DYNC2I1: variants seen among roughly 807,000 people sequenced by gnomAD.
The protein encoded by DYNC2I1 is dynein 2 intermediate chain 1.
Under a neutral mutation model 133.4 loss-of-function variants are expected in DYNC2I1, and 89 were observed. The observed-to-expected ratio is 0.67, with a 90% CI of 0.56 to 0.80. The LOEUF (loss-of-function observed/expected upper bound fraction) is 0.80, where lower values mean the gene tolerates loss of function less well. Ranked by LOEUF, DYNC2I1 falls within the 30% of genes least tolerant of loss-of-function variation. The pLI is 0.00. For missense variants in DYNC2I1, 1,291 were observed against 1,314.5 expected, an observed-to-expected ratio of 0.98 and a Z score of 0.28; for synonymous variants, 504 against 484.3, an observed-to-expected ratio of 1.04 and a Z score of -0.54.
chr7:158,856,499 G>A, upstream of DYNC2I1: 1 of 395,710 alleles, frequency 2.5e-6, no homozygotes, highest in Non-Finnish European at 4.4e-6. Flanking sequence ...GCGACCACTC[G>A]GCCTTCCCCT....
At chr7:158,908,484 G>A (rs564375822) in intron 11 of DYNC2I1, among the ~76,000 whole-genome samples, 168 of 152,326 alleles carry the variant, frequency 1.1e-3, no homozygotes, top group African/African-American at 3.8e-3. Context: ...TAAAATATAT[G>A]ATAGAGACTT....
chr7:158,841,601 A>G, the DYNC2I1 span, among the ~76,000 whole-genome samples: 1 of 152,336 alleles, frequency 6.6e-6, no homozygotes, highest in East Asian at 1.9e-4. Flanking sequence ...CTAGTGAATA[A>G]ATAAAAATGA....
In DYNC2I1 at chr7:158,953,732, CAT is replaced by C. The variant is rs74875062; in HGVS notation, c.*57-2850_*57-2849del. Reference sequence around the variant, plus strand: ...TATGCGTGTGTGTATATATATGTTACATGTGTGTGTATGTTACATATATGTGT... The same window carrying C: ...TATGCGTGTGTGTATATATATGTTACGTGTGTGTATGTTACATATATGTGT... On this transcript the variant is annotated intron_variant and NMD_transcript_variant, in intron 4 of 4. Coordinates refer to the DYNC2I1 transcript ENST00000454771. Among the ~76,000 whole-genome samples, 1,004 of 152,132 alleles carry C rather than the reference CAT, an allele frequency of 6.6e-3. 58 individuals are homozygous for C. In the East Asian group the frequency reaches 0.13, roughly 20 times the overall value.
chr7:158,946,013 C>T lies in DYNC2I1; in HGVS notation c.*234C>T, dbSNP rs191462287. On this transcript the variant is annotated 3_prime_UTR_variant, in exon 25 of 25. Transcript: ENST00000407559. ...AAACTTCCAGGGGAATGTAGAGCCA[C>T]GTCCAGGGTGCTCTTTTCTGAGAGT... 4 of 386,622 alleles carry T rather than the reference C, an allele frequency of 1.0e-5. No homozygotes were observed. Among genetic ancestry groups the T allele is most frequent in the East Asian group, 4.2e-5 (1 of 23,746 alleles). 23.9% of individuals were successfully genotyped at this position (386,622 alleles called of 1,614,324 possible).
intron 4 of DYNC2I1, among the ~76,000 whole-genome samples, chr7:158,951,440 G>A (rs1034319874): frequency 9.9e-5 from 15 of 152,258 alleles, no homozygotes; most frequent in African/African-American, 3.4e-4. Flanking sequence ...GAGGCACAGG[G>A]AGACGGGGTC....
At chr7:158,855,944 T>C (rs59805783), upstream of DYNC2I1, among the ~76,000 whole-genome samples, 9,070 of 145,168 alleles carry the variant, frequency 0.062, 356 homozygotes, top group African/African-American at 0.11. Flanking sequence ...CTTTTCTTTT[T>C]TTTTTTTTTT....
chr7:158,884,262 C>CT lies in DYNC2I1; in HGVS notation c.880-301dup, dbSNP rs565768354. Among the ~76,000 whole-genome samples the CT allele has an allele frequency of 1.5e-3, 225 of 150,954 alleles. 1 individual carries two copies. The highest frequency in any genetic ancestry group is 5.9e-3 in the South Asian group (28 of 4,762). On this transcript the variant is annotated intron_variant, in intron 5 of 24. Transcript: ENST00000407559. ...GTTTCTCCGTGTTGGTCAGGCTCGT[C>CT]TATAACTCCCGACCTCAGGTGATGC...
intron 2 of DYNC2I1, among the ~76,000 whole-genome samples, chr7:158,870,292 A>G (rs1842767469): frequency 6.6e-6 from 1 of 152,200 alleles, no homozygotes; most frequent in African/African-American, 2.4e-5. Context: ...ACTTTAAAAC[A>G]CAGCTTCAGT....
At chr7:158,876,110 A>G (rs1003457593) in intron 3 of DYNC2I1, among the ~76,000 whole-genome samples, 2 of 152,242 alleles carry the variant, frequency 1.3e-5, no homozygotes, top group African/African-American at 4.8e-5. Context: ...CGGGCTGTAC[A>G]GGAAGCATGG....
rs180776466 is a variant in DYNC2I1, at chr7:158,936,362, C to T, written c.2778+1813C>T. 4.9e-3 allele frequency among the ~76,000 whole-genome samples: 750 copies of T among 152,200 alleles called. 24 individuals carry two copies. Among genetic ancestry groups the T allele is most frequent in the Non-Finnish European group, 1.5e-3 (105 of 68,028 alleles). Reference sequence around the variant, plus strand: ...CTCAATTGTGAAGATAAGACAGTTCCTGGGGCCACAGAGAGTAGAAAAGCT... The same window carrying T: ...CTCAATTGTGAAGATAAGACAGTTCTTGGGGCCACAGAGAGTAGAAAAGCT... On this transcript the variant is annotated intron_variant, in intron 23 of 24. Transcript: ENST00000407559.
intron 11 of DYNC2I1, among the ~76,000 whole-genome samples, chr7:158,906,304 T>C (rs1298271810): frequency 1.3e-5 from 2 of 152,192 alleles, no homozygotes; most frequent in Non-Finnish European, 2.9e-5. Flanking sequence ...TGGATGTTTG[T>C]TCTTAGATTT....
At chr7:158,936,245 G>C (rs1850735700) in intron 23 of DYNC2I1, among the ~76,000 whole-genome samples, 1 of 152,160 alleles carries the variant, frequency 6.6e-6, no homozygotes, top group Non-Finnish European at 1.5e-5. Context: ...GATTTCCAGT[G>C]TGGAGCTCTT....
intron 14 of DYNC2I1, among the ~76,000 whole-genome samples, chr7:158,915,105 A>G (rs1408401920): frequency 6.6e-6 from 1 of 152,080 alleles, no homozygotes; most frequent in East Asian, 1.9e-4. Context: ...GTTGACATTA[A>G]GGATGATTGT....
intron 23 of DYNC2I1, among the ~76,000 whole-genome samples, chr7:158,941,711 AT>A (rs1851382670): frequency 6.6e-6 from 1 of 152,178 alleles, no homozygotes; most frequent in Non-Finnish European, 1.5e-5. Flanking sequence ...GTGAGACCTC[AT>A]CTCTACGAAC....
intron 14 of DYNC2I1, among the ~76,000 whole-genome samples, chr7:158,914,899 T>C (rs1002535799): frequency 1.1e-4 from 17 of 152,206 alleles, no homozygotes; most frequent in African/African-American, 4.1e-4. Context: ...AAGCAGAGAA[T>C]GTCTAAAAGA....
chr7:158,908,261 T>A (rs901845923), intron 11 of DYNC2I1, among the ~76,000 whole-genome samples: 4 of 151,818 alleles, frequency 2.6e-5, no homozygotes, highest in African/African-American at 7.3e-5. Flanking sequence ...ATACCCAAGA[T>A]AAATTCCAAA....
chr7:158,918,943 T>C, intron 15 of DYNC2I1, 74 bp downstream of exon 15: 2 of 1,450,576 alleles, frequency 1.4e-6, no homozygotes, highest in East Asian at 2.5e-5. Context: ...CTCTGTAGTA[T>C]AATATTTTAT....
At chr7:158,864,056 A>G (rs1842173978) in intron 1 of DYNC2I1, among the ~76,000 whole-genome samples, 1 of 107,960 alleles carries the variant, frequency 9.3e-6, no homozygotes, top group South Asian at 3.6e-4. Context: ...GGGGAGCGGG[A>G]AGTCCTTAGC....
chr7:158,839,955 G>T, the DYNC2I1 span, among the ~76,000 whole-genome samples: 2 of 152,124 alleles, frequency 1.3e-5, no homozygotes, highest in South Asian at 4.2e-4. Flanking sequence ...TGAACTACAG[G>T]CACATCTCAC....
Sources: allele counts gnomAD v4.1 joint callset (sites outside exome capture counted in the v4.1 genomes callset), GRCh38; gene constraint gnomAD v4.1.1; transcripts MANE v1.5; gene names NCBI Gene and HGNC (gene_info 2026-07-23, HGNC 2026-07-21).